SH2D1A: variants seen among roughly 807,000 people sequenced by gnomAD.
SH2D1A encodes SH2 domain-containing protein 1A.
A neutral mutation model predicts 10.1 loss-of-function variants in SH2D1A; 6 were observed. The observed-to-expected ratio is 0.60, with a 90% CI of 0.33 to 1.18. The LOEUF is 1.18. Among genes scored for constraint, SH2D1A ranks in the 50% most tolerant of loss-of-function variants. The probability of loss-of-function intolerance (pLI) is 0.04; values close to 1 mark genes in which losing one functional copy is unlikely to be tolerated. For synonymous variants in SH2D1A, 42 were observed against 36.9 expected (o/e 1.14, Z -0.51); for missense variants, 51 against 97.6 (o/e 0.52, Z 2.01).
At chrX:124,367,361 C>G (rs1178547736) in intron 2 of SH2D1A, among the ~76,000 whole-genome samples, 2 of 111,559 alleles carry the variant, frequency 1.8e-5, no homozygotes, top group Non-Finnish European at 1.9e-5. Flanking sequence ...GAGCTCATAC[C>G]ACCTGACTGG....
At chrX:124,357,470 C>T (rs1271999261) in intron 1 of SH2D1A, among the ~76,000 whole-genome samples, 1 of 112,043 alleles carries the variant, frequency 8.9e-6, no homozygotes, top group Non-Finnish European at 1.9e-5. Context: ...CAGATTTCTC[C>T]TTGACATGAT....
rs753374025 is a variant in SH2D1A at position 124,372,428 on chromosome X, A to G, written c.*1037A>G. 1 of 172,357 alleles carries G rather than the reference A, an allele frequency of 5.8e-6. No individual in the cohort carries two copies. Among genetic ancestry groups the G allele is most frequent in the East Asian group, 8.2e-5 (1 of 12,202 alleles). The allele number at this position is 172,357 out of a possible 1,213,427, so 14.2% of individuals were successfully genotyped here. On this transcript the variant is annotated 3_prime_UTR_variant, in exon 4 of 4. Coordinates refer to ENST00000371139, the MANE Select transcript of SH2D1A (RefSeq NM_002351.5). ...AGGGCGCTGAGGGCATAGAAGTAAA[A>G]ACACCTGGTCCCTGCTCTCAGTTCA... is the stretch of plus-strand genomic sequence containing the variant.
intron 1 of SH2D1A, among the ~76,000 whole-genome samples, chrX:124,355,188 T>A (rs1319929296): frequency 1.8e-5 from 2 of 112,507 alleles, no homozygotes; most frequent in African/African-American, 6.5e-5. Context: ...TGTGTAGTAC[T>A]TGACGTGGTA....
intron 1 of SH2D1A, among the ~76,000 whole-genome samples, chrX:124,355,193 G>A (rs62604244): frequency 2.0e-4 from 22 of 112,221 alleles, no homozygotes; most frequent in Middle Eastern, 4.6e-3. Flanking sequence ...AGTACTTGAC[G>A]TGGTATAAAA....
In SH2D1A at chrX:124,366,876, AACACACACAC is replaced by A. The variant is rs59536671; in HGVS notation, c.201+1087_201+1096del. The stretch of plus-strand genomic sequence containing the variant: ...AAGTTATGTGTAAAATATACTGACA[AACACACACAC>A]ACACACACACACACACACACACACA... On this transcript the variant is annotated intron_variant, in intron 2 of 3. Transcript: ENST00000371139. Among the ~76,000 whole-genome samples, 495 of 87,075 alleles carry A rather than the reference AACACACACAC, an allele frequency of 5.7e-3. 8 individuals carry two copies. Among genetic ancestry groups the A allele is most frequent in the African/African-American group, 0.017 (413 of 24,272 alleles). 75.6% of individuals were successfully genotyped at this position (87,075 alleles called of 115,157 possible).
rs746628341 is a variant in SH2D1A, at chrX:124,360,512, C to T, written c.138-5249C>T. ...CAGTGTGCAACTGTAGTGGCAGCTA[C>T]TCAGGAGGCTAAGGCAGGAGGGCAA... On this transcript the variant is annotated intron_variant, in intron 1 of 3. Transcript: ENST00000371139. 3.3e-5 allele frequency among the ~76,000 whole-genome samples: 3 copies of T among 89,675 alleles called. No individual in the cohort carries two copies. The Admixed American group carries it at 3.8e-4, about 11-fold the overall frequency. 77.9% of individuals were successfully genotyped at this position (89,675 alleles called of 115,157 possible). A position where few individuals can be genotyped will look rare whatever the true frequency, so the allele number is the denominator to read the frequency against.
chrX:124,365,308 A>T (rs1328724702), intron 1 of SH2D1A, among the ~76,000 whole-genome samples: 3 of 110,402 alleles, frequency 2.7e-5, no homozygotes, highest in Non-Finnish European at 5.7e-5. Flanking sequence ...CATTATATTT[A>T]TAACAAATAT....
intron 2 of SH2D1A, among the ~76,000 whole-genome samples, chrX:124,367,177 T>G (rs1292243552): frequency 8.9e-6 from 1 of 112,258 alleles, no homozygotes; most frequent in Non-Finnish European, 1.9e-5. Flanking sequence ...TATGTAATAA[T>G]ATTGTAATTT....
intron 1 of SH2D1A, among the ~76,000 whole-genome samples, chrX:124,351,006 G>A (rs1423370907): frequency 3.8e-5 from 3 of 79,844 alleles, no homozygotes; most frequent in Admixed American, 1.7e-4. Context: ...TTATAAATAT[G>A]TATATTTTTA....
rs1225569766 is a variant in SH2D1A, at chrX:124,352,685, C to G, written c.137+5906C>G. 3.6e-5 allele frequency among the ~76,000 whole-genome samples: 4 copies of G among 111,949 alleles called. No homozygotes were observed. In the East Asian group the frequency reaches 1.1e-3, roughly 31 times the overall value. On this transcript the variant is annotated intron_variant, in intron 1 of 3. Transcript: ENST00000371139. ...CTTTATCCATTCATCTGTTGCTGGA[C>G]TCTTCTATATCTTGGCTACTGTAAA...
intron 1 of SH2D1A, among the ~76,000 whole-genome samples, chrX:124,363,477 G>T (rs2060045067): frequency 9.0e-6 from 1 of 111,495 alleles, no homozygotes; most frequent in African/African-American, 3.3e-5. Context: ...GATTATAATG[G>T]AGCTGAAAAA....
intron 1 of SH2D1A, among the ~76,000 whole-genome samples, chrX:124,358,451 A>C (rs952318712): frequency 8.9e-6 from 1 of 112,130 alleles, no homozygotes; most frequent in Non-Finnish European, 1.9e-5. Flanking sequence ...TTGTTTGAAA[A>C]GGCATATTCA....
At chrX:124,364,058 C>G (rs1296252462) in intron 1 of SH2D1A, among the ~76,000 whole-genome samples, 1 of 110,170 alleles carries the variant, frequency 9.1e-6, no homozygotes, top group African/African-American at 3.3e-5. Context: ...AAAATCTACT[C>G]CTACTTATAT....
intron 1 of SH2D1A, among the ~76,000 whole-genome samples, chrX:124,352,880 G>T (rs2060018426): frequency 9.0e-6 from 1 of 111,541 alleles, no homozygotes; most frequent in African/African-American, 3.3e-5. Context: ...GTTGGCTAAT[G>T]GGTACAAACA....
intron 1 of SH2D1A, among the ~76,000 whole-genome samples, chrX:124,347,686 A>G (rs2059997381): frequency 9.0e-6 from 1 of 111,594 alleles, no homozygotes; most frequent in African/African-American, 3.3e-5. Flanking sequence ...GGATTGTAAG[A>G]TTAAGTGCCA....
intron 1 of SH2D1A, among the ~76,000 whole-genome samples, chrX:124,363,377 A>G (rs994708085): frequency 5.4e-5 from 6 of 111,757 alleles, no homozygotes; most frequent in African/African-American, 2.0e-4. Context: ...CATTTATAAT[A>G]TATTATAGGG....
At chrX:124,367,369 TG>T (rs938448527) in intron 2 of SH2D1A, among the ~76,000 whole-genome samples, 1 of 112,065 alleles carries the variant, frequency 8.9e-6, no homozygotes, top group Non-Finnish European at 1.9e-5. Flanking sequence ...ACCACCTGAC[TG>T]GAAAAAATTT....
At chrX:124,369,285 T>C (rs1399203497) in intron 2 of SH2D1A, among the ~76,000 whole-genome samples, 4 of 111,767 alleles carry the variant, frequency 3.6e-5, no homozygotes, top group Non-Finnish European at 7.5e-5. Flanking sequence ...GCAATACTAT[T>C]TTATTTTACG....
chrX:124,346,871 G>A (rs1007406602), intron 1 of SH2D1A, 92 bp downstream of exon 1: 2 of 1,075,997 alleles, frequency 1.9e-6, no homozygotes, highest in Admixed American at 4.5e-5. Flanking sequence ...GCAGGCAGGG[G>A]CGCCGGCGTT....
Sources: allele counts gnomAD v4.1 joint callset (sites outside exome capture counted in the v4.1 genomes callset), GRCh38; gene constraint gnomAD v4.1.1; transcripts MANE v1.5; gene names NCBI Gene and HGNC (gene_info 2026-07-23, HGNC 2026-07-21).